Variants in DYNC1H1 observed in about 807,000 individuals in gnomAD.
The protein encoded by DYNC1H1 is cytoplasmic dynein 1 heavy chain 1.
Under a neutral mutation model 527.1 loss-of-function variants are expected in DYNC1H1, and 51 were observed. That is an observed-to-expected ratio of 0.10 (90% CI 0.08 to 0.12). The LOEUF is 0.12. Ranked by LOEUF, DYNC1H1 falls within the 10% of genes least tolerant of loss-of-function variation. DYNC1H1 has a pLI of 1.00. For missense variants in DYNC1H1, 2,771 were observed against 5,971.8 expected, an observed-to-expected ratio of 0.46 and a Z score of 17.66; for synonymous variants, 2,189 against 2,278.8, an observed-to-expected ratio of 0.96 and a Z score of 1.12.
Position 102,052,190 on chromosome 14 carries a change from G to C in DYNC1H1, c.*1627G>C, listed in dbSNP as rs2048820768. The C allele has an allele frequency of 6.6e-6, 1 of 152,326 alleles. No individual in the cohort carries two copies. Among genetic ancestry groups the C allele is most frequent in the Non-Finnish European group, 1.5e-5 (1 of 68,238 alleles). The allele number at this position is 152,326 out of a possible 1,614,324, so 9.4% of individuals were successfully genotyped here. On this transcript the variant is annotated 3_prime_UTR_variant, in exon 78 of 78. Transcript: ENST00000360184. ...ACTCGGTTGCCCAGGCTGGAGTGCAGTGGCGTGACCATGGCTCACTGCAGC... is the reference window on the plus strand; with the variant it reads ...ACTCGGTTGCCCAGGCTGGAGTGCACTGGCGTGACCATGGCTCACTGCAGC...
At chr14:102,026,861 G>C in intron 44 of DYNC1H1, 154 bp downstream of exon 44, 1 of 1,160,688 alleles carries the variant, frequency 8.6e-7, no homozygotes, top group African/African-American at 1.5e-5. Flanking sequence ...TCTAAGTCCA[G>C]CTTAACCATC....
rs576441763 is a variant in DYNC1H1, at chr14:102,031,835, T to C, written c.9884-437T>C. On this transcript the variant is annotated intron_variant, in intron 51 of 77. Coordinates refer to ENST00000360184, the MANE Select transcript of DYNC1H1 (RefSeq NM_001376.5). ...TGGGCGTGGTGGTGCATACCTGTAA[T>C]CCCAGCTGCTCAGGAGGCTGAGGCA... 5.3e-5 allele frequency among the ~76,000 whole-genome samples: 8 copies of C among 152,144 alleles called. 2 individuals carry two copies. The highest frequency in any genetic ancestry group is 1.9e-4 in the African/African-American group (8 of 41,494).
rs1373300653 is a variant in DYNC1H1 at position 102,050,441 on chromosome 14, T to C, written c.13819T>C (p.Leu4607=). ...AACCCCTCTGCTTCTGCAGGTAACC[T>C]TACCTGTCTACCTGAACTTCACCCG... ...NTEKKASVVT[L]PVYLNFTRAD... The change falls in exon 78 of 78, where the codon TTA becomes CTA. Residue 4607 remains leucine, a synonymous_variant. Transcript: ENST00000360184. 5.6e-6 allele frequency: 9 copies of C among 1,614,074 alleles called. No individual in the cohort carries two copies. In the Admixed American group the frequency reaches 1.3e-4, roughly 24 times the overall value.
At position 102,036,731 on chromosome 14, in the gene DYNC1H1, C is replaced by T. The variant is rs1479472179; in HGVS notation, c.10908+89C>T. 5.3e-6 allele frequency: 8 copies of T among 1,507,890 alleles called. No individual in the cohort carries two copies. Among genetic ancestry groups the T allele is most frequent in the Non-Finnish European group, 7.4e-6 (8 of 1,086,760 alleles). The allele number at this position is 1,507,890 out of a possible 1,614,324, so 93.4% of individuals were successfully genotyped here. On this transcript the variant is annotated intron_variant, in intron 57 of 77. Transcript: ENST00000360184. This position sits in a 1 kb window ranked among gnomAD's most constrained non-coding sequence, Gnocchi z 5.6. ...GCCTTTAGTTTTCAACTTTGTAAGA[C>T]TTCATTTTGTATCAGAAGGATAAAG... is the stretch of plus-strand genomic sequence containing the variant.
Position 102,027,033 on chromosome 14 carries a change from C to A in DYNC1H1, c.8772-141C>A. The A allele has an allele frequency of 9.5e-7, 1 of 1,056,510 alleles. No homozygotes were observed. 65.4% of individuals were successfully genotyped at this position (1,056,510 alleles called of 1,614,324 possible). ...GTCTTTGCATTCCTCCTGGACTTCA[C>A]AAATAACAGTTGCTCAGCAAATGTT... On this transcript the variant is annotated intron_variant, in intron 44 of 77. Transcript: ENST00000360184. The surrounding 1 kb of genome is among the most constrained non-coding windows in gnomAD (Gnocchi z 7.7).
chr14:101,976,564 A>G (rs889235197), intron 2 of DYNC1H1, among the ~76,000 whole-genome samples: 1 of 151,706 alleles, frequency 6.6e-6, no homozygotes, highest in African/African-American at 2.4e-5. Context: ...AAAAAAAAGG[A>G]AAAGAAAACG....
intron 23 of DYNC1H1, among the ~76,000 whole-genome samples, chr14:102,003,294 GCT>G (rs1270969909): frequency 1.4e-5 from 2 of 141,314 alleles, no homozygotes; most frequent in Non-Finnish European, 3.0e-5. Flanking sequence ...ATGGAGTCTT[GCT>G]CTGTCGCCCA....
intron 23 of DYNC1H1, among the ~76,000 whole-genome samples, chr14:102,004,043 C>T (rs1048655143): frequency 6.6e-6 from 1 of 151,962 alleles, no homozygotes; most frequent in South Asian, 2.1e-4. Flanking sequence ...AGATCGAGAC[C>T]ATCCTGGCTA....
intron 8 of DYNC1H1, 141 bp from the exon 9 acceptor site, chr14:101,987,312 C>A: frequency 3.2e-6 from 3 of 944,056 alleles, no homozygotes; most frequent in Non-Finnish European, 4.9e-6. Flanking sequence ...TGTTCTCACC[C>A]CAGCAGCTAG....
Position 101,985,694 on chromosome 14 carries a change from C to T in DYNC1H1, c.1469C>T (p.Ala490Val). 1 of 1,614,164 alleles carries T rather than the reference C, an allele frequency of 6.2e-7. No individual in the cohort carries two copies. The highest frequency in any genetic ancestry group is 8.5e-7 in the Non-Finnish European group (1 of 1,180,014). ...CATATCTTTCTCCTTTAGGTCACGG[C>T]AGTTGCACAACAGAATCAAGGAGAG... The part of the protein sequence containing the change: ...IVRVLRPQVT[A>V]VAQQNQGEVP... Residue 490 changes from alanine (A) to valine (V), a missense_variant, in exon 8 of 78, where the codon GCA becomes GTA. By Grantham distance (64) the Ala-to-Val change is moderately conservative. This residue lies in a region of DYNC1H1 where 264 missense variants were observed against 619.4 expected (regional missense o/e 0.43). Transcript: ENST00000360184. This position sits in a 1 kb window ranked among gnomAD's most constrained non-coding sequence, Gnocchi z 5.9.
chr14:102,029,410 GAGTGTTCTGGCCC>G lies in DYNC1H1; in HGVS notation c.9469-128_9469-116del. The G allele has an allele frequency of 8.1e-7, 1 of 1,236,364 alleles. No homozygotes were observed. The highest frequency in any genetic ancestry group is 1.3e-5 in the South Asian group (1 of 78,070). The allele number at this position is 1,236,364 out of a possible 1,614,324, so 76.6% of individuals were successfully genotyped here. A position where few individuals can be genotyped will look rare whatever the true frequency, so the allele number is the denominator to read the frequency against. On this transcript the variant is annotated intron_variant, in intron 48 of 77. Transcript: ENST00000360184. This position sits in a 1 kb window ranked among gnomAD's most constrained non-coding sequence, Gnocchi z 5.3. Reference sequence around the variant, plus strand: ...AAGTGGCTAAGCTGAGGCCCGACTCGAGTGTTCTGGCCCCGAGGGCCAGGCTCCTTCTATCATG... The same window carrying G: ...AAGTGGCTAAGCTGAGGCCCGACTCGCGAGGGCCAGGCTCCTTCTATCATG...
chr14:102,043,298 A>AG (rs1191008794), intron 69 of DYNC1H1: 1 of 204,036 alleles, frequency 4.9e-6, no homozygotes, highest in African/African-American at 2.4e-5. Flanking sequence ...AAAAAAAAAA[A>AG]AAGACCTGTC....
chr14:101,998,879 C>CTTTTTTTTTTGTTTTTTTTTTTT (rs1470140199), intron 16 of DYNC1H1, among the ~76,000 whole-genome samples: 8 of 115,208 alleles, frequency 6.9e-5, no homozygotes, highest in Middle Eastern at 5.0e-3. Flanking sequence ...AAAACTTTTT[C>CTTTTTTTTTTGTTTTTTTTTTTT]TTTTTTTTTT....
chr14:101,992,633 C>T (rs1161969462), intron 11 of DYNC1H1, among the ~76,000 whole-genome samples: 4 of 152,156 alleles, frequency 2.6e-5, no homozygotes, highest in African/African-American at 9.7e-5. Flanking sequence ...GACCCCATGT[C>T]CCCTGCAATC....
Position 101,979,834 on chromosome 14 carries a change from A to G in DYNC1H1, c.634A>G (p.Met212Val), listed in dbSNP as rs138182529. 62 of 1,614,082 alleles carry G rather than the reference A, an allele frequency of 3.8e-5. No individual in the cohort carries two copies. The highest frequency in any genetic ancestry group is 1.3e-4 in the South Asian group (12 of 91,084). ...IPEISLPIHPMITNVAKQCYE... is the reference protein window; with the variant it reads ...IPEISLPIHPVITNVAKQCYE... ...GGAGATCAGCCTGCCGATTCATCCA[A>G]TGATCACAAATGTTGCAAAACAGTG... is the stretch of plus-strand genomic sequence containing the variant. Residue 212 changes from methionine to valine, a missense_variant, in exon 4 of 78, where the codon ATG (methionine) becomes GTG (valine). Around this residue, in one of 32 missense-constraint regions of DYNC1H1, gnomAD observed 146 missense variants for 288.1 expected, o/e 0.51. Transcript: ENST00000360184. The surrounding 1 kb of genome is among the most constrained non-coding windows in gnomAD (Gnocchi z 4.6).
intron 72 of DYNC1H1, 176 bp from the exon 73 acceptor site, chr14:102,047,641 G>GTGTATATA: frequency 9.5e-5 from 30 of 316,750 alleles, no homozygotes; most frequent in African/African-American, 6.7e-4. Context: ...GTGTGTGTGT[G>GTGTATATA]TATATATATA....
rs1467078079 is a variant in DYNC1H1, at chr14:102,008,287, A to G, written c.5927A>G (p.Gln1976Arg). 1.2e-6 allele frequency: 2 copies of G among 1,614,266 alleles called. No individual in the cohort carries two copies. The highest frequency in any genetic ancestry group is 3.3e-5 in the Admixed American group (2 of 60,034). ...CTCTCGGCTGTGTCCCAGCAGGTGC[A>G]GTGCATACAGGAAGCACTGCGTGAA... is the stretch of plus-strand genomic sequence containing the variant. ...RMLSAVSQQVQCIQEALREHS... is the reference protein window; with the variant it reads ...RMLSAVSQQVRCIQEALREHS... Residue 1976 changes from glutamine to arginine, a missense_variant, in exon 29 of 78, where the codon CAG (glutamine) becomes CGG (arginine). Around this residue, in one of 32 missense-constraint regions of DYNC1H1, gnomAD observed 22 missense variants for 109.5 expected, o/e 0.20. Coordinates refer to ENST00000360184, the MANE Select transcript of DYNC1H1 (RefSeq NM_001376.5).
At position 102,033,799 on chromosome 14, in the gene DYNC1H1, G is replaced by A. The variant is rs563414565; in HGVS notation, c.10414-177G>A. ...CTGCCCCGCTGAGATTCTGAGTCGTGTGTGGTCATTAGTTATATATGATCT... is the reference window on the plus strand; with the variant it reads ...CTGCCCCGCTGAGATTCTGAGTCGTATGTGGTCATTAGTTATATATGATCT... On this transcript the variant is annotated intron_variant, in intron 54 of 77. Coordinates refer to ENST00000360184, the MANE Select transcript of DYNC1H1 (RefSeq NM_001376.5). This position sits in a 1 kb window ranked among gnomAD's most constrained non-coding sequence, Gnocchi z 5.6. 3 of 737,910 alleles carry A rather than the reference G, an allele frequency of 4.1e-6. No individual in the cohort carries two copies. The highest frequency in any genetic ancestry group is 5.4e-5 in the East Asian group (2 of 37,018). 45.7% of individuals were successfully genotyped at this position (737,910 alleles called of 1,614,324 possible). A position where few individuals can be genotyped will look rare whatever the true frequency, so the allele number is the denominator to read the frequency against.
chr14:101,982,186 T>C (rs2047875221), intron 5 of DYNC1H1, among the ~76,000 whole-genome samples: 1 of 152,212 alleles, frequency 6.6e-6, no homozygotes, highest in Non-Finnish European at 1.5e-5. Context: ...ATCTAATGCC[T>C]GATGATCTGT....
Sources: gnomAD v4.1 joint callset for allele counts (sites outside exome capture counted in the v4.1 genomes callset) on GRCh38, gnomAD v4.1.1 for gene constraint, gnomAD v4.1.1 regional missense constraint, Gnocchi (gnomAD v3.1) non-coding constraint, MANE v1.5 for transcripts, NCBI Gene and HGNC (gene_info 2026-07-23, HGNC 2026-07-21) for gene names.